Variants in ECT2 observed in about 807,000 individuals in gnomAD.
The protein encoded by ECT2 is protein ECT2.
Under a neutral mutation model 116.9 loss-of-function variants are expected in ECT2, and 61 were observed. The ratio of observed to expected loss-of-function variants is 0.52; its 90% CI spans 0.42 to 0.65. The LOEUF (loss-of-function observed/expected upper bound fraction) is 0.65, where lower values mean the gene tolerates loss of function less well. Among genes scored for constraint, ECT2 ranks in the 30% least tolerant of loss-of-function variants. The pLI is 0.00. For synonymous variants in ECT2, 358 were observed against 346.4 expected (o/e 1.03, Z -0.37); for missense variants, 937 against 1,078.7 (o/e 0.87, Z 1.84).
chr3:172,773,341 C>G (rs1721000459), intron 13 of ECT2, among the ~76,000 whole-genome samples: 1 of 152,034 alleles, frequency 6.6e-6, no homozygotes, highest in Non-Finnish European at 1.5e-5. Flanking sequence ...TGACTTGTGT[C>G]TGTGCATGCA....
chr3:172,806,548 A>T (rs1300433997), intron 21 of ECT2, among the ~76,000 whole-genome samples: 1 of 147,784 alleles, frequency 6.8e-6, no homozygotes, highest in Non-Finnish European at 1.5e-5. Flanking sequence ...AGCTCTTTCC[A>T]TTACTGATTC....
downstream of ECT2, among the ~76,000 whole-genome samples, chr3:172,822,517 A>G (rs1253851388): frequency 6.6e-6 from 1 of 152,000 alleles, no homozygotes; most frequent in Non-Finnish European, 1.5e-5. Context: ...TAAGCCTTAA[A>G]ATGCTGGAAC....
chr3:172,757,961 G>A (rs925752034), intron 5 of ECT2, among the ~76,000 whole-genome samples: 5 of 151,262 alleles, frequency 3.3e-5, no homozygotes, highest in Admixed American at 6.6e-5. Flanking sequence ...GGGTTCAAGC[G>A]ATTCTACTGC....
At position 172,786,875 on chromosome 3, in the gene ECT2, G is replaced by A. The variant is rs369753257; in HGVS notation, c.1907+301G>A. Among the ~76,000 whole-genome samples, 126 of 152,220 alleles carry A rather than the reference G, an allele frequency of 8.3e-4. 1 individual carries two copies. Among genetic ancestry groups the A allele is most frequent in the Non-Finnish European group, 1.4e-3 (93 of 67,980 alleles). Reference sequence around the variant, plus strand: ...ATAACTCTAGTCATAGCTTGTTTCTGTCTTCATATTAATGTGTATTGCCCA... The same window carrying A: ...ATAACTCTAGTCATAGCTTGTTTCTATCTTCATATTAATGTGTATTGCCCA... On this transcript the variant is annotated intron_variant, in intron 18 of 24. Transcript: ENST00000392692.
At chr3:172,775,525 G>C (rs1721493706) in intron 14 of ECT2, among the ~76,000 whole-genome samples, 1 of 152,122 alleles carries the variant, frequency 6.6e-6, no homozygotes, top group Non-Finnish European at 1.5e-5. Flanking sequence ...ATTCCAATTA[G>C]GATTCTGAAT....
chr3:172,817,528 A>G (rs1018282845), intron 24 of ECT2, among the ~76,000 whole-genome samples: 7 of 152,032 alleles, frequency 4.6e-5, no homozygotes, highest in Non-Finnish European at 1.0e-4. Flanking sequence ...TCCTTTTACT[A>G]TTTTTGTGAT....
downstream of ECT2, among the ~76,000 whole-genome samples, chr3:172,822,692 T>C (rs551712092): frequency 1.3e-5 from 2 of 152,108 alleles, no homozygotes; most frequent in East Asian, 1.9e-4. Context: ...GAACTCATAC[T>C]GAATAATAGA....
chr3:172,773,739 AAATAG>A (rs549180829), intron 13 of ECT2, among the ~76,000 whole-genome samples, 159 bp from the exon 14 acceptor site: 4 of 152,210 alleles, frequency 2.6e-5, no homozygotes, highest in African/African-American at 4.8e-5. Flanking sequence ...GGAGTACATA[AAATAG>A]AATAGAAAAT....
At chr3:172,801,688 G>C (rs895616506) in intron 18 of ECT2, among the ~76,000 whole-genome samples, 1 of 152,192 alleles carries the variant, frequency 6.6e-6, no homozygotes, top group Non-Finnish European at 1.5e-5. Context: ...CACTATCTGT[G>C]CTTTCTTTGC....
chr3:172,793,945 G>GT lies in ECT2; in HGVS notation c.1907+7379dup, dbSNP rs988871233. On this transcript the variant is annotated intron_variant, in intron 18 of 24. Transcript: ENST00000392692. ...TTTGTTTATTTGAAAAAAAAATTGT[G>GT]TTTTTTTTGTAATTGAATTTTGAGA... Among the ~76,000 whole-genome samples the GT allele has an allele frequency of 8.6e-5, 13 of 151,278 alleles. No individual in the cohort carries two copies. In the South Asian group the frequency reaches 1.3e-3, roughly 15 times the overall value.
downstream of ECT2, chr3:172,821,529 T>TATTC (rs2109446186): frequency 6.6e-6 from 1 of 152,034 alleles, no homozygotes; most frequent in African/African-American, 2.4e-5. Context: ...CAAATATGAA[T>TATTC]GCTTGCATCA....
At chr3:172,809,559 G>A (rs1050563846) in intron 22 of ECT2, among the ~76,000 whole-genome samples, 17 of 117,084 alleles carry the variant, frequency 1.5e-4, no homozygotes, top group Middle Eastern at 4.1e-3. Flanking sequence ...GATAATGTGT[G>A]TGTATATCTA....
intron 18 of ECT2, among the ~76,000 whole-genome samples, chr3:172,801,376 T>G (rs1457531710): frequency 6.6e-6 from 1 of 152,226 alleles, no homozygotes; most frequent in Admixed American, 6.5e-5. Context: ...TGAGGAAAGA[T>G]CTTAGTACTC....
chr3:172,761,785 G>C (rs1399727690), intron 8 of ECT2, 102 bp downstream of exon 8: 4 of 710,982 alleles, frequency 5.6e-6, no homozygotes, highest in African/African-American at 1.8e-5. Flanking sequence ...TATAAAAACT[G>C]AATTCAGTCT....
rs138757576 is a variant in ECT2, at chr3:172,797,973, T to G, written c.1908-4643T>G. Among the ~76,000 whole-genome samples the G allele has an allele frequency of 1.1e-4, 16 of 152,322 alleles. No homozygotes were observed. In the East Asian group the frequency reaches 3.1e-3, roughly 29 times the overall value. ...TGTGATCCTGTTTTGATCAAATGTC[T>G]TGAGACTTTCAACATCTTTGGCAAA... On this transcript the variant is annotated intron_variant, in intron 18 of 24. Transcript: ENST00000392692.
intron 20 of ECT2, among the ~76,000 whole-genome samples, 177 bp from the exon 21 acceptor site, chr3:172,805,554 A>G (rs966975510): frequency 2.6e-5 from 4 of 152,200 alleles, no homozygotes; most frequent in African/African-American, 9.7e-5. Flanking sequence ...CATTTCTGCT[A>G]TACAATTACA....
intron 18 of ECT2, among the ~76,000 whole-genome samples, chr3:172,792,199 A>C (rs1354569909): frequency 1.3e-5 from 2 of 152,220 alleles, no homozygotes; most frequent in African/African-American, 4.8e-5. Context: ...ATAAAATAAT[A>C]ATGAGAAAGT....
chr3:172,773,358 T>G (rs186536384), intron 13 of ECT2, among the ~76,000 whole-genome samples: 43 of 152,130 alleles, frequency 2.8e-4, no homozygotes, highest in Non-Finnish European at 5.9e-4. Flanking sequence ...TGCATATGCA[T>G]GCACTGACCT....
the ECT2 span, among the ~76,000 whole-genome samples, chr3:172,827,502 G>A: frequency 1.3e-5 from 2 of 152,166 alleles, no homozygotes; most frequent in Non-Finnish European, 2.9e-5. Context: ...TGGAGGACAT[G>A]TTAAGTCAAA....
Sources: gnomAD v4.1 joint callset for allele counts (sites outside exome capture counted in the v4.1 genomes callset) on GRCh38, gnomAD v4.1.1 for gene constraint, MANE v1.5 for transcripts, NCBI Gene and HGNC (gene_info 2026-07-23, HGNC 2026-07-21) for gene names.